The following DESI1 variants were observed in gnomAD, a reference collection of about 807,000 sequenced individuals.
DESI1 encodes the protein PPPDE peptidase domain containing 2.
Under a neutral mutation model 22.4 loss-of-function variants are expected in DESI1, and 17 were observed. That is an observed-to-expected ratio of 0.76 (90% CI 0.52 to 1.14). The LOEUF is 1.14. DESI1 is among the 50% of genes most tolerant of loss of function. The pLI, the probability that DESI1 is intolerant of heterozygous loss-of-function variation, is 0.00. For missense variants in DESI1, 177 were observed against 208.9 expected, an observed-to-expected ratio of 0.85 and a Z score of 0.94; for synonymous variants, 92 against 84.2, an observed-to-expected ratio of 1.09 and a Z score of -0.51.
Position 41,621,038 on chromosome 22 carries a change from A to T in DESI1, c.-199T>A, listed in dbSNP as rs528941317. The T allele has an allele frequency of 3.1e-4, 182 of 596,518 alleles. No homozygotes were observed. Among genetic ancestry groups the T allele is most frequent in the African/African-American group, 2.9e-3 (148 of 51,516 alleles). The allele number at this position is 596,518 out of a possible 1,614,324, so 37.0% of individuals were successfully genotyped here. On this transcript the variant is annotated 5_prime_UTR_variant, in exon 1 of 6. Transcript: ENST00000263256. ...CCGGCAACGACTACTGTGAGGTGAC[A>T]GAGAGGGGACAGGGAGGGCCCACAC... is the stretch of plus-strand genomic sequence containing the variant.
intron 1 of DESI1, 73 bp downstream of exon 1, chr22:41,620,679 T>C (rs1188776955): frequency 1.4e-6 from 2 of 1,442,380 alleles, no homozygotes; most frequent in Non-Finnish European, 1.9e-6. Flanking sequence ...GGCCCAAGTC[T>C]CCCCACCTCG....
At chr22:41,615,659 T>G (rs951848402) in intron 1 of DESI1, among the ~76,000 whole-genome samples, 4 of 152,150 alleles carry the variant, frequency 2.6e-5, no homozygotes, top group African/African-American at 9.7e-5. Flanking sequence ...TAAGTTCAAG[T>G]CTCAATCATT....
chr22:41,602,209 T>C, intron 5 of DESI1: 1 of 985,270 alleles, frequency 1.0e-6, no homozygotes, highest in Non-Finnish European at 1.2e-6. Context: ...AGGAATGAAG[T>C]ACTCCAAAGT....
intron 5 of DESI1, chr22:41,602,389 G>T: frequency 1.0e-6 from 1 of 985,458 alleles, no homozygotes; most frequent in Non-Finnish European, 1.2e-6. Flanking sequence ...ATGATAGGAA[G>T]GCAGGGCCAG....
At chr22:41,620,324 C>T (rs1346011957) in intron 1 of DESI1, among the ~76,000 whole-genome samples, 1 of 152,130 alleles carries the variant, frequency 6.6e-6, no homozygotes, top group African/African-American at 2.4e-5. Context: ...TCCGCAGTGT[C>T]TCTGTCACCA....
chr22:41,620,950 C>G lies in DESI1; in HGVS notation c.-111G>C. 4.8e-4 allele frequency: 409 copies of G among 856,744 alleles called. No homozygotes were observed. Among genetic ancestry groups the G allele is most frequent in the East Asian group, 1.7e-3 (39 of 22,470 alleles). 53.1% of individuals were successfully genotyped at this position (856,744 alleles called of 1,614,324 possible). On this transcript the variant is annotated 5_prime_UTR_variant, in exon 1 of 6. Transcript: ENST00000263256. ...CGGAGGGAGAGGGGGGGACCGAGCC[C>G]GGGCCCGGGCTGAGGGGTGGGGGAG...
At chr22:41,613,270 A>G (rs1265844900) in intron 1 of DESI1, among the ~76,000 whole-genome samples, 1 of 152,220 alleles carries the variant, frequency 6.6e-6, no homozygotes, top group African/African-American at 2.4e-5. Flanking sequence ...TATTCTGTAA[A>G]AAAAAGCATA....
rs1195541569 is a variant in DESI1, at chr22:41,600,959, C to T, written c.*138G>A. 1 of 774,622 alleles carries T rather than the reference C, an allele frequency of 1.3e-6. No homozygotes were observed. The highest frequency in any genetic ancestry group is 2.2e-6 in the Non-Finnish European group (1 of 464,706). 48.0% of individuals were successfully genotyped at this position (774,622 alleles called of 1,614,324 possible). A position where few individuals can be genotyped will look rare whatever the true frequency, so the allele number is the denominator to read the frequency against. ...CATTGTCTACATGCGGCCTGACGGT[C>T]TCCTTCCCTGGGAAATTTAAAAAGC... On this transcript the variant is annotated 3_prime_UTR_variant, in exon 6 of 6. Transcript: ENST00000263256.
chr22:41,598,058 AG>A lies in DESI1; in HGVS notation c.*3038del, dbSNP rs1319804861. On this transcript the variant is annotated 3_prime_UTR_variant, in exon 6 of 6. Coordinates refer to ENST00000263256, the MANE Select transcript of DESI1 (RefSeq NM_015704.3). ...CAGGCAGAAATGAGTTTATTGCATTAGAAAAAACACCGAAGAAAACCAGCAA... is the reference window on the plus strand; with the variant it reads ...CAGGCAGAAATGAGTTTATTGCATTAAAAAAACACCGAAGAAAACCAGCAA... The A allele has an allele frequency of 6.6e-6, 1 of 152,244 alleles. No homozygotes were observed. The highest frequency in any genetic ancestry group is 1.5e-5 in the Non-Finnish European group (1 of 68,064). 9.4% of individuals were successfully genotyped at this position (152,244 alleles called of 1,614,324 possible).
At chr22:41,602,024 TA>T in intron 5 of DESI1, 1 of 214,178 alleles carries the variant, frequency 4.7e-6, no homozygotes, top group Non-Finnish European at 8.0e-6. Context: ...AATGCCTTTC[TA>T]AAGGGCTCCT....
At chr22:41,606,202 A>T (rs879493110) in intron 3 of DESI1, among the ~76,000 whole-genome samples, 296 of 152,192 alleles carry the variant, frequency 1.9e-3, no homozygotes, top group Middle Eastern at 6.8e-3. Flanking sequence ...TCTCTAAAAA[A>T]ATAGAAAAAA....
Position 41,603,245 on chromosome 22 carries a change from G to GAGGCCAC in DESI1, c.413+7_413+13dup. On this transcript the variant is annotated intron_variant, in intron 5 of 5. Coordinates refer to ENST00000263256, the MANE Select transcript of DESI1 (RefSeq NM_015704.3). Reference sequence around the variant, plus strand: ...GTTGGCCAAGGCAGGGGCAGGGACAGAGGCCACACTTACGTGGAGAGAACT... The same window carrying GAGGCCAC: ...GTTGGCCAAGGCAGGGGCAGGGACAGAGGCCACAGGCCACACTTACGTGGAGAGAACT... The GAGGCCAC allele has an allele frequency of 3.7e-6, 6 of 1,614,114 alleles. No homozygotes were observed. The highest frequency in any genetic ancestry group is 5.1e-6 in the Non-Finnish European group (6 of 1,179,990).
In DESI1 at chr22:41,611,631, T is replaced by C. The variant is rs1045357530; in HGVS notation, c.89-3770A>G. On this transcript the variant is annotated intron_variant, in intron 1 of 5. Coordinates refer to ENST00000263256, the MANE Select transcript of DESI1 (RefSeq NM_015704.3). ...TTTTTTTGAGACAGTCTCACTCTGT[T>C]GCCCAGGCTGGAGTACGATGGTGTG... Among the ~76,000 whole-genome samples, 155 of 141,114 alleles carry C rather than the reference T, an allele frequency of 1.1e-3. 2 individuals are homozygous for C. Among genetic ancestry groups the C allele is most frequent in the Non-Finnish European group, 3.5e-4 (23 of 66,112 alleles). The allele number at this position is 141,114 out of a possible 152,430, so 92.6% of individuals were successfully genotyped here. A position where few individuals can be genotyped will look rare whatever the true frequency, so the allele number is the denominator to read the frequency against.
intron 5 of DESI1, 91 bp from the exon 6 acceptor site, chr22:41,601,281 T>A (rs1164354847): frequency 1.7e-6 from 2 of 1,209,612 alleles, no homozygotes; most frequent in African/African-American, 1.6e-5. Flanking sequence ...GGAGGAGGAG[T>A]GGGCGCTGGT....
chr22:41,602,838 T>C (rs1243134540), intron 5 of DESI1: 2 of 1,037,722 alleles, frequency 1.9e-6, no homozygotes, highest in South Asian at 3.1e-5. Context: ...AAAGAGTTCA[T>C]GGTGCAGTGT....
rs535547142 is a variant in DESI1 at position 41,604,855 on chromosome 22, T to C, written c.181-702A>G. On this transcript the variant is annotated intron_variant, in intron 3 of 5. Transcript: ENST00000263256. ...AGGCTGCAGGTTGGACAAGCTTGGC[T>C]TAGAGCTTTCTGGTCACTTTTCATT... Among the ~76,000 whole-genome samples the C allele has an allele frequency of 4.4e-4, 67 of 152,330 alleles. 1 individual carries two copies. Among genetic ancestry groups the C allele is most frequent in the Admixed American group, 1.4e-3 (21 of 15,298 alleles).
chr22:41,620,999 C>T lies in DESI1; in HGVS notation c.-160G>A. ...AGAGGCCGCCCTGCGCTGCTCGCGC[C>T]CCCACACCCGCTACCGGCAACGACT... On this transcript the variant is annotated 5_prime_UTR_variant, in exon 1 of 6. Coordinates refer to ENST00000263256, the MANE Select transcript of DESI1 (RefSeq NM_015704.3). 1.4e-6 allele frequency: 1 copy of T among 720,948 alleles called. No homozygotes were observed. Among genetic ancestry groups the T allele is most frequent in the Non-Finnish European group, 2.2e-6 (1 of 445,996 alleles). 44.7% of individuals were successfully genotyped at this position (720,948 alleles called of 1,614,324 possible). A position where few individuals can be genotyped will look rare whatever the true frequency, so the allele number is the denominator to read the frequency against.
intron 1 of DESI1, among the ~76,000 whole-genome samples, chr22:41,613,451 C>T (rs2067530366): frequency 6.6e-6 from 1 of 152,216 alleles, no homozygotes; most frequent in Admixed American, 6.5e-5. Flanking sequence ...GGTATTGAAA[C>T]TATTCACGTG....
chr22:41,611,160 C>T lies in DESI1; in HGVS notation c.89-3299G>A, dbSNP rs574403165. Among the ~76,000 whole-genome samples the T allele has an allele frequency of 4.5e-4, 69 of 152,296 alleles. 1 individual carries two copies. Among genetic ancestry groups the T allele is most frequent in the African/African-American group, 1.6e-3 (65 of 41,572 alleles). ...CATTCCTTTTTTTGAGACAGAGTCT[C>T]ACTCTATTGCCTAGGTTGGAGTGCA... On this transcript the variant is annotated intron_variant, in intron 1 of 5. Coordinates refer to ENST00000263256, the MANE Select transcript of DESI1 (RefSeq NM_015704.3).
Sources: allele counts gnomAD v4.1 joint callset (sites outside exome capture counted in the v4.1 genomes callset), GRCh38; gene constraint gnomAD v4.1.1; transcripts MANE v1.5; gene names NCBI Gene and HGNC (gene_info 2026-07-23, HGNC 2026-07-21).